Variants in ELFN1 observed in about 807,000 individuals in gnomAD.
The protein encoded by ELFN1 is extracellular leucine rich repeat and fibronectin type III domain containing 1.
Under a neutral mutation model 7.6 loss-of-function variants are expected in ELFN1, and 6 were observed. The ratio of observed to expected loss-of-function variants is 0.79; its 90% confidence interval spans 0.43 to 1.56. The LOEUF (loss-of-function observed/expected upper bound fraction) is 1.56, where lower values mean the gene tolerates loss of function less well. ELFN1 is among the 40% of genes most tolerant of loss of function. The probability of loss-of-function intolerance (pLI) is 0.01; values close to 1 mark genes in which losing one functional copy is unlikely to be tolerated. For missense variants in ELFN1, 1,169 were observed against 1,232.2 expected, an observed-to-expected ratio of 0.95 and a Z score of 0.77; for synonymous variants, 657 against 588.1, an observed-to-expected ratio of 1.12 and a Z score of -1.70.
intron 3 of ELFN1, among the ~76,000 whole-genome samples, chr7:1,712,188 C>A (rs1030642102): frequency 1.3e-5 from 2 of 152,214 alleles, no homozygotes; most frequent in Non-Finnish European, 2.9e-5. Context: ...CTTTTCTTTT[C>A]TTTTCTTTTC....
chr7:1,732,137 G>A (rs551813075), intron 3 of ELFN1, among the ~76,000 whole-genome samples: 8 of 152,278 alleles, frequency 5.3e-5, no homozygotes, highest in Admixed American at 1.3e-4. Context: ...GGGTCACAGC[G>A]GAGCAAGCAC....
At chr7:1,719,372 C>A (rs1366727862) in intron 3 of ELFN1, among the ~76,000 whole-genome samples, 14 of 149,250 alleles carry the variant, frequency 9.4e-5, no homozygotes, top group African/African-American at 3.5e-4. Context: ...CCAACAGGAC[C>A]CAAGCCACCA....
chr7:1,683,825 G>T (rs929530420), intron 1 of ELFN1, among the ~76,000 whole-genome samples: 2 of 152,066 alleles, frequency 1.3e-5, no homozygotes, highest in Admixed American at 1.3e-4. Flanking sequence ...AATATTTCTT[G>T]TCTTAAAGTC....
intron 3 of ELFN1, among the ~76,000 whole-genome samples, chr7:1,743,089 G>C (rs1015006259): frequency 2.7e-4 from 9 of 33,120 alleles, no homozygotes; most frequent in Non-Finnish European, 4.7e-4. Flanking sequence ...GGGTAGTGGT[G>C]GGGGGGTCCA....
intron 2 of ELFN1, among the ~76,000 whole-genome samples, chr7:1,703,994 C>G (rs903279459): frequency 6.6e-6 from 1 of 152,224 alleles, no homozygotes; most frequent in Non-Finnish European, 1.5e-5. Context: ...TGACCTTCAG[C>G]AAGAGGTGTC....
intron 2 of ELFN1, among the ~76,000 whole-genome samples, chr7:1,697,436 G>A (rs1381850300): frequency 6.6e-6 from 1 of 152,218 alleles, no homozygotes; most frequent in African/African-American, 2.4e-5. Context: ...CCTGCTCTGT[G>A]GGTAGGACTG....
intron 1 of ELFN1, among the ~76,000 whole-genome samples, chr7:1,675,548 A>C (rs898447739): frequency 1.3e-5 from 2 of 152,242 alleles, no homozygotes; most frequent in Non-Finnish European, 2.9e-5. Flanking sequence ...TCTCTAGTTT[A>C]ATAAACACAG....
chr7:1,697,995 C>T (rs1185985626), intron 2 of ELFN1, among the ~76,000 whole-genome samples: 1 of 152,208 alleles, frequency 6.6e-6, no homozygotes. Context: ...CGGGCGGGCG[C>T]TGACTAAGGC....
chr7:1,741,648 A>G (rs1031362509), intron 3 of ELFN1, among the ~76,000 whole-genome samples: 1 of 152,150 alleles, frequency 6.6e-6, no homozygotes, highest in African/African-American at 2.4e-5. Context: ...AGAGTGTGGC[A>G]CCCAGCCAGG....
chr7:1,716,183 C>T (rs1243718634), intron 3 of ELFN1, among the ~76,000 whole-genome samples: 4 of 152,192 alleles, frequency 2.6e-5, no homozygotes, highest in African/African-American at 4.8e-5. Context: ...CAAGGTCCTG[C>T]CCACCCCAAG....
chr7:1,732,246 C>A (rs917495626), intron 3 of ELFN1, among the ~76,000 whole-genome samples: 3 of 152,126 alleles, frequency 2.0e-5, no homozygotes, highest in African/African-American at 7.2e-5. Flanking sequence ...GGGAGGGGTT[C>A]ACGTCCCAGG....
chr7:1,700,488 C>G (rs12670365), intron 2 of ELFN1, among the ~76,000 whole-genome samples: 15,756 of 152,246 alleles, frequency 0.1, 847 homozygotes, highest in Middle Eastern at 0.15. Context: ...TTCTTCTGGT[C>G]AACACTCTCC....
intron 1 of ELFN1, among the ~76,000 whole-genome samples, chr7:1,676,723 C>T (rs187860597): frequency 1.5e-4 from 23 of 152,270 alleles, no homozygotes; most frequent in Admixed American, 4.6e-4. Flanking sequence ...GCCCCGCAGC[C>T]GAGACACGCT....
chr7:1,679,166 C>G (rs1477462714), intron 1 of ELFN1, among the ~76,000 whole-genome samples: 1 of 148,466 alleles, frequency 6.7e-6, no homozygotes, highest in Non-Finnish European at 1.5e-5. Context: ...CACGCGTGCA[C>G]ACACGTACGC....
intron 3 of ELFN1, among the ~76,000 whole-genome samples, chr7:1,716,742 G>T (rs960324511): frequency 6.6e-6 from 1 of 152,182 alleles, no homozygotes; most frequent in Non-Finnish European, 1.5e-5. Flanking sequence ...AGCCTCACCC[G>T]GGAAACTGTG....
In ELFN1 at chr7:1,735,315, T is replaced by C. The variant is rs953940507; in HGVS notation, c.-293-8989T>C. 3.9e-5 allele frequency among the ~76,000 whole-genome samples: 6 copies of C among 151,976 alleles called. No individual in the cohort carries two copies. The highest frequency in any genetic ancestry group is 1.3e-4 in the Admixed American group (2 of 15,264). On this transcript the variant is annotated intron_variant, in intron 3 of 3. Coordinates refer to ENST00000424383, the MANE Select transcript of ELFN1 (RefSeq NM_001128636.4). This position sits in a 1 kb window ranked among gnomAD's most constrained non-coding sequence, Gnocchi z 5.9. ...GTCGTGTGGATGGCCCAAGGTCACA[T>C]GGTAAGGTCGTCAGGCACTCGGCAC...
intron 2 of ELFN1, among the ~76,000 whole-genome samples, chr7:1,698,961 A>G (rs1779370967): frequency 1.3e-5 from 2 of 152,170 alleles, no homozygotes; most frequent in Admixed American, 1.3e-4. Flanking sequence ...CCCCCACCTC[A>G]GGGTAAACAC....
At chr7:1,707,100 A>G (rs1274015628) in intron 2 of ELFN1, among the ~76,000 whole-genome samples, 2 of 152,262 alleles carry the variant, frequency 1.3e-5, no homozygotes, top group East Asian at 3.8e-4. Flanking sequence ...GAAAAGCTCC[A>G]GGGCAGGTGC....
At chr7:1,685,592 T>C (rs144503750) in intron 1 of ELFN1, among the ~76,000 whole-genome samples, 25 of 152,222 alleles carry the variant, frequency 1.6e-4, no homozygotes, top group African/African-American at 5.3e-4. Context: ...AGCCCTCATG[T>C]AATGAATTTT....
Sources: allele counts gnomAD v4.1 joint callset (sites outside exome capture counted in the v4.1 genomes callset), GRCh38; gene constraint gnomAD v4.1.1; non-coding constraint Gnocchi (gnomAD v3.1); transcripts MANE v1.5; gene names NCBI Gene and HGNC (gene_info 2026-07-23, HGNC 2026-07-21).